The following VSIG4 variants were observed in gnomAD, a reference collection of about 807,000 sequenced individuals.
The protein encoded by VSIG4 is V-set and immunoglobulin domain containing 4.
In VSIG4, 34 loss-of-function variants were observed where a neutral mutation model predicts 23.4. The ratio of observed to expected loss-of-function variants is 1.45; its 90% CI spans 1.10 to 1.93. The LOEUF is 1.93. VSIG4 is among the 30% of genes most tolerant of loss of function. VSIG4 has a pLI of 0.00. For synonymous variants in VSIG4, 169 were observed against 120.3 expected (o/e 1.41, Z -2.65); for missense variants, 433 against 310.8 (o/e 1.39, Z -2.96).
chrX:66,038,518 C>G (rs1231032555), intron 1 of VSIG4, among the ~76,000 whole-genome samples: 1 of 110,727 alleles, frequency 9.0e-6, no homozygotes, highest in African/African-American at 3.3e-5. Context: ...TGAATGCACA[C>G]ACACATACAC....
intron 4 of VSIG4, 64 bp from the exon 5 acceptor site, chrX:66,027,590 A>T (rs757133668): frequency 2.1e-5 from 20 of 958,965 alleles, no homozygotes; most frequent in Non-Finnish European, 2.9e-5. Flanking sequence ...GAGATAGGAG[A>T]TGGTTGCAAA....
chrX:66,025,146 G>A lies in VSIG4; in HGVS notation c.836-17C>T. 9.0e-7 allele frequency: 1 copy of A among 1,107,288 alleles called. No individual in the cohort carries two copies. The highest frequency in any genetic ancestry group is 1.2e-6 in the Non-Finnish European group (1 of 818,673). 91.3% of individuals were successfully genotyped at this position (1,107,288 alleles called of 1,213,427 possible). A position where few individuals can be genotyped will look rare whatever the true frequency, so the allele number is the denominator to read the frequency against. On this transcript the variant is annotated splice_polypyrimidine_tract_variant and intron_variant, in intron 5 of 7. Transcript: ENST00000374737. ...GGCTCTTTCCTAGAGGGTAAAACAA[G>A]ATCAAGTGGTATTTGATTGAAAATA...
chrX:66,027,779 A>G (rs370130185), intron 4 of VSIG4, among the ~76,000 whole-genome samples: 1 of 112,506 alleles, frequency 8.9e-6, no homozygotes, highest in Admixed American at 9.3e-5. Flanking sequence ...TCAAACTAGG[A>G]GCAGAATAGA....
intron 6 of VSIG4, among the ~76,000 whole-genome samples, chrX:66,023,657 T>C (rs762650512): frequency 1.8e-5 from 2 of 112,185 alleles, no homozygotes; most frequent in African/African-American, 3.2e-5. Context: ...AGGTGCTCAG[T>C]AATTATGTTA....
In VSIG4 at chrX:66,037,774, CT is replaced by C. The variant is rs1393361199; in HGVS notation, c.55+2169del. Reference sequence around the variant, plus strand: ...TACTGATACGTATATATACTTATTGCTGATAAGTATATATACTTATTGCTGA... The same window carrying C: ...TACTGATACGTATATATACTTATTGCGATAAGTATATATACTTATTGCTGA... On this transcript the variant is annotated intron_variant, in intron 1 of 7. Coordinates refer to ENST00000374737, the MANE Select transcript of VSIG4 (RefSeq NM_007268.3). 2.9e-5 allele frequency among the ~76,000 whole-genome samples: 3 copies of C among 102,670 alleles called. No individual in the cohort carries two copies. The East Asian group carries it at 9.2e-4, about 31-fold the overall frequency. The allele number at this position is 102,670 out of a possible 115,157, so 89.2% of individuals were successfully genotyped here.
At chrX:66,037,546 T>TATAACA (rs1569246168) in intron 1 of VSIG4, among the ~76,000 whole-genome samples, 1 of 67,925 alleles carries the variant, frequency 1.5e-5, no homozygotes, top group Non-Finnish European at 2.5e-5. Context: ...TAATATATTA[T>TATAACA]ATTATATTAT....
chrX:66,035,876 C>T (rs1248605094), intron 1 of VSIG4, among the ~76,000 whole-genome samples: 1 of 112,429 alleles, frequency 8.9e-6, no homozygotes, highest in African/African-American at 3.2e-5. Context: ...ATGCCTTTGT[C>T]TATGCATATG....
At chrX:66,025,227 T>C (rs1301484501) in intron 5 of VSIG4, 98 bp from the exon 6 acceptor site, 3 of 560,625 alleles carry the variant, frequency 5.4e-6, no homozygotes, top group Non-Finnish European at 8.1e-6. Flanking sequence ...CCTTTTTCTT[T>C]TTCATTTTCC....
chrX:66,028,507 A>G (rs972670154), intron 3 of VSIG4, among the ~76,000 whole-genome samples: 3 of 109,372 alleles, frequency 2.7e-5, no homozygotes, highest in African/African-American at 6.7e-5. Flanking sequence ...ACCTCCAGAA[A>G]TTTACCCTTT....
At position 66,033,460 on chromosome X, in the gene VSIG4, C is replaced by T; in HGVS notation, c.412+14G>A. On this transcript the variant is annotated intron_variant, in intron 2 of 7. Transcript: ENST00000374737. ...ATTGATTATCAGTGCTTTCCTACCC[C>T]CATAGTGACTCACGTTTCTGGACAC... 1.7e-6 allele frequency: 2 copies of T among 1,175,636 alleles called. No homozygotes were observed. Among genetic ancestry groups the T allele is most frequent in the Non-Finnish European group, 2.3e-6 (2 of 868,957 alleles).
At chrX:66,037,459 A>T (rs1254133546) in intron 1 of VSIG4, among the ~76,000 whole-genome samples, 5 of 60,980 alleles carry the variant, frequency 8.2e-5, no homozygotes, top group African/African-American at 3.5e-4. Flanking sequence ...ATTATATAAT[A>T]ATATAATATA....
At position 66,022,253 on chromosome X, in the gene VSIG4, T is replaced by G. The variant is rs1222544735; in HGVS notation, c.*10A>C. On this transcript the variant is annotated 3_prime_UTR_variant, in exon 8 of 8. Transcript: ENST00000374737. ...ATTATGTCAGCAGATCCTGGCCTAA[T>G]GGGGCATTTTTAACAGACACTTTTG... is the stretch of plus-strand genomic sequence containing the variant. 1.7e-6 allele frequency: 2 copies of G among 1,210,841 alleles called. No individual in the cohort carries two copies. The highest frequency in any genetic ancestry group is 2.2e-6 in the Non-Finnish European group (2 of 895,364).
chrX:66,030,307 C>T (rs2085449769), intron 3 of VSIG4, among the ~76,000 whole-genome samples: 1 of 111,478 alleles, frequency 9.0e-6, no homozygotes, highest in Non-Finnish European at 1.9e-5. Context: ...CTGGTGGAAG[C>T]TACCTTCGTG....
chrX:66,021,965 T>G lies in VSIG4; in HGVS notation c.*298A>C. 1 of 920,120 alleles carries G rather than the reference T, an allele frequency of 1.1e-6. No individual in the cohort carries two copies. Among genetic ancestry groups the G allele is most frequent in the South Asian group, 2.2e-5 (1 of 45,044 alleles). The allele number at this position is 920,120 out of a possible 1,213,427, so 75.8% of individuals were successfully genotyped here. On this transcript the variant is annotated 3_prime_UTR_variant, in exon 8 of 8. Coordinates refer to ENST00000374737, the MANE Select transcript of VSIG4 (RefSeq NM_007268.3). ...CAAGATGCCAAAGTTGAATAGTGTC[T>G]GTAGGCATGATGACCAAGTCCTAGT...
chrX:66,039,400 C>T (rs1383621930), intron 1 of VSIG4, among the ~76,000 whole-genome samples: 2 of 112,064 alleles, frequency 1.8e-5, no homozygotes, highest in Non-Finnish European at 3.8e-5. Flanking sequence ...GTTGGAGCTG[C>T]TCCTGGATGG....
At chrX:66,037,565 A>G (rs1344715035) in intron 1 of VSIG4, among the ~76,000 whole-genome samples, 2 of 38,670 alleles carry the variant, frequency 5.2e-5, no homozygotes, top group African/African-American at 1.2e-4. Context: ...ATATATTTAT[A>G]TACTTATTAT....
chrX:66,033,422 C>G (rs2085488618), intron 2 of VSIG4, 52 bp downstream of exon 2: 6 of 1,062,762 alleles, frequency 5.6e-6, no homozygotes, highest in Non-Finnish European at 7.7e-6. Flanking sequence ...AGAATTACAT[C>G]CACTATTGAT....
At chrX:66,026,300 G>T (rs2085389593) in intron 5 of VSIG4, among the ~76,000 whole-genome samples, 1 of 112,075 alleles carries the variant, frequency 8.9e-6, no homozygotes, top group African/African-American at 3.2e-5. Flanking sequence ...TCCTCAGAGT[G>T]TCTTGTTGGG....
rs1367556871 is a variant in VSIG4, at chrX:66,033,479, T to C, written c.407A>G (p.Gln136Arg). ...VRDKITELRV[Q>R]KLSVSKPTVT... ...CTACCCCCATAGTGACTCACGTTTC[T>C]GGACACGGAGCTCAGTAATCTTATC... Residue 136 changes from glutamine to arginine, a missense_variant, in exon 2 of 8, where the codon CAG (glutamine) becomes CGG (arginine). By Grantham distance (43) the Gln-to-Arg change is conservative (BLOSUM62 1). Transcript: ENST00000374737. 2 of 1,201,133 alleles carry C rather than the reference T, an allele frequency of 1.7e-6. No individual in the cohort carries two copies. Among genetic ancestry groups the C allele is most frequent in the Admixed American group, 2.2e-5 (1 of 45,391 alleles).
Sources: gnomAD v4.1 joint callset for allele counts (sites outside exome capture counted in the v4.1 genomes callset) on GRCh38, gnomAD v4.1.1 for gene constraint, MANE v1.5 for transcripts, NCBI Gene and HGNC (gene_info 2026-07-23, HGNC 2026-07-21) for gene names.